The following NMNAT2 variants were observed in gnomAD, a reference collection of about 807,000 sequenced individuals.
NMNAT2 encodes the protein nicotinamide nucleotide adenylyltransferase 2.
NMNAT2 carries 11 observed loss-of-function variants against 41.6 expected under a neutral mutation model. That is an observed-to-expected ratio of 0.26 (90% CI 0.17 to 0.44). The LOEUF (loss-of-function observed/expected upper bound fraction) is 0.44. Among genes scored for constraint, NMNAT2 ranks in the 20% least tolerant of loss-of-function variants. The probability of loss-of-function intolerance (pLI) is 1.00; values close to 1 mark genes in which losing one functional copy is unlikely to be tolerated. For missense variants in NMNAT2, 288 were observed against 407.7 expected, an observed-to-expected ratio of 0.71 and a Z score of 2.53; for synonymous variants, 148 against 151.2, an observed-to-expected ratio of 0.98 and a Z score of 0.16.
intron 1 of NMNAT2, among the ~76,000 whole-genome samples, chr1:183,341,523 CAAAAAAA>C: frequency 1.2e-5 from 1 of 81,352 alleles, no homozygotes; most frequent in South Asian, 4.6e-4. Flanking sequence ...ACAAAAAATG[CAAAAAAA>C]AAAAAAAAAA....
At chr1:183,324,457 C>T (rs1408410872) in intron 1 of NMNAT2, among the ~76,000 whole-genome samples, 2 of 152,170 alleles carry the variant, frequency 1.3e-5, no homozygotes, top group Non-Finnish European at 2.9e-5. Context: ...TCCTACCATA[C>T]TATTTCCTTT....
intron 1 of NMNAT2, among the ~76,000 whole-genome samples, chr1:183,406,420 G>C (rs938092880): frequency 6.6e-6 from 1 of 152,112 alleles, no homozygotes; most frequent in Non-Finnish European, 1.5e-5. Flanking sequence ...CCAACACATG[G>C]GAGTCTCAGG....
At chr1:183,274,887 C>T (rs1661085359) in intron 8 of NMNAT2, among the ~76,000 whole-genome samples, 1 of 152,136 alleles carries the variant, frequency 6.6e-6, no homozygotes, top group South Asian at 2.1e-4. Context: ...CTCCCACCAA[C>T]TTTCCCTACA....
chr1:183,331,769 C>T (rs908694237), intron 1 of NMNAT2, among the ~76,000 whole-genome samples: 3 of 152,114 alleles, frequency 2.0e-5, no homozygotes, highest in Non-Finnish European at 4.4e-5. Context: ...GCACGCCCCA[C>T]GGTGCATAGT....
intron 1 of NMNAT2, among the ~76,000 whole-genome samples, chr1:183,360,563 C>A (rs764980691): frequency 3.3e-5 from 5 of 152,180 alleles, no homozygotes; most frequent in Non-Finnish European, 5.9e-5. Context: ...TAGGGAGTAC[C>A]TAGCAGGGAG....
chr1:183,295,514 A>G (rs1661666783), intron 1 of NMNAT2, among the ~76,000 whole-genome samples: 1 of 152,198 alleles, frequency 6.6e-6, no homozygotes, highest in Non-Finnish European at 1.5e-5. Context: ...ATACTTGACA[A>G]ATCATTATTA....
chr1:183,299,343 T>G (rs1661786689), intron 1 of NMNAT2, among the ~76,000 whole-genome samples: 1 of 151,684 alleles, frequency 6.6e-6, no homozygotes, highest in South Asian at 2.1e-4. Context: ...GCCACTGCAC[T>G]CCAGCCTGGG....
intron 2 of NMNAT2, 95 bp from the exon 3 acceptor site, chr1:183,292,952 C>A: frequency 8.6e-7 from 1 of 1,166,576 alleles, no homozygotes. Flanking sequence ...TAAAGTGCAG[C>A]CATTTTTCAG....
At chr1:183,387,884 G>C (rs1648305876) in intron 1 of NMNAT2, among the ~76,000 whole-genome samples, 1 of 152,200 alleles carries the variant, frequency 6.6e-6, no homozygotes, top group Admixed American at 6.5e-5. Context: ...GGAGTCAGGA[G>C]GTAGATTCTC....
intron 3 of NMNAT2, among the ~76,000 whole-genome samples, chr1:183,291,409 C>A (rs530559444): frequency 1.5e-4 from 23 of 152,258 alleles, no homozygotes; most frequent in African/African-American, 4.8e-4. Flanking sequence ...GCCCTGGGAG[C>A]GCACCTGTGC....
At position 183,300,719 on chromosome 1, in the gene NMNAT2, T is replaced by C. The variant is rs541115761; in HGVS notation, c.86-6926A>G. Among the ~76,000 whole-genome samples the C allele has an allele frequency of 1.6e-3, 249 of 152,354 alleles. 1 individual carries two copies. The highest frequency in any genetic ancestry group is 5.9e-3 in the African/African-American group (244 of 41,586). On this transcript the variant is annotated intron_variant, in intron 1 of 10. Coordinates refer to ENST00000287713, the MANE Select transcript of NMNAT2 (RefSeq NM_015039.4). ...TTTTTGAAATGTTCATGATAAATTA[T>C]AGAACACTGCAATTTTAAGGTGGTG...
At chr1:183,397,785 G>C (rs10911327) in intron 1 of NMNAT2, among the ~76,000 whole-genome samples, 37,799 of 152,012 alleles carry the variant, frequency 0.25, 4,703 homozygotes, top group South Asian at 0.29. Context: ...AATTTTCAAC[G>C]CAGAATTTCA....
intron 8 of NMNAT2, chr1:183,267,327 G>T (rs543688): frequency 0.97 from 147,361 of 152,242 alleles, 71,515 homozygotes; most frequent in East Asian, 1. Flanking sequence ...AAAAATAAAA[G>T]AAAATAAACA....
intron 1 of NMNAT2, among the ~76,000 whole-genome samples, chr1:183,298,139 G>T (rs1206813386): frequency 1.3e-5 from 2 of 152,124 alleles, no homozygotes; most frequent in Non-Finnish European, 2.9e-5. Context: ...CTAAAATGAA[G>T]AACAAGGAAG....
chr1:183,380,306 C>A (rs1422606853), intron 1 of NMNAT2, among the ~76,000 whole-genome samples: 1 of 152,106 alleles, frequency 6.6e-6, no homozygotes, highest in East Asian at 1.9e-4. Flanking sequence ...CCCTTATTTT[C>A]CTTTATCTCA....
chr1:183,312,784 G>A (rs2050701), intron 1 of NMNAT2, among the ~76,000 whole-genome samples: 109,788 of 151,978 alleles, frequency 0.72, 39,856 homozygotes, highest in East Asian at 0.92. Flanking sequence ...TTCATCTGTA[G>A]GGTGGGATAA....
At chr1:183,364,655 A>ATTTATTTCTTTCTTTC (rs897968005) in intron 1 of NMNAT2, among the ~76,000 whole-genome samples, 1 of 142,976 alleles carries the variant, frequency 7.0e-6, no homozygotes, top group Non-Finnish European at 1.6e-5. Flanking sequence ...GGGGAGGATG[A>ATTTATTTCTTTCTTTC]TTTCTTTCTT....
intron 1 of NMNAT2, among the ~76,000 whole-genome samples, chr1:183,305,869 C>T (rs987380167): frequency 2.0e-5 from 3 of 152,006 alleles, no homozygotes; most frequent in Non-Finnish European, 2.9e-5. Flanking sequence ...TACAGGCTTG[C>T]GCCACCATAC....
chr1:183,376,791 A>G (rs1663687493), intron 1 of NMNAT2, among the ~76,000 whole-genome samples: 1 of 152,182 alleles, frequency 6.6e-6, no homozygotes, highest in Non-Finnish European at 1.5e-5. Flanking sequence ...GGCCCTATCT[A>G]CAGGGGCTCC....
Sources: gnomAD v4.1 joint callset for allele counts (sites outside exome capture counted in the v4.1 genomes callset) on GRCh38, gnomAD v4.1.1 for gene constraint, MANE v1.5 for transcripts, NCBI Gene and HGNC (gene_info 2026-07-23, HGNC 2026-07-21) for gene names.